The following CUL4A variants were observed in gnomAD, a reference collection of about 807,000 sequenced individuals.
CUL4A encodes the protein cullin 4A.
CUL4A carries 16 observed loss-of-function variants against 95.5 expected under a neutral mutation model. The ratio of observed to expected loss-of-function variants is 0.17; its 90% CI spans 0.11 to 0.25. The LOEUF (loss-of-function observed/expected upper bound fraction) is 0.25, where lower values mean the gene tolerates loss of function less well. Among genes scored for constraint, CUL4A ranks in the 10% least tolerant of loss-of-function variants. CUL4A has a pLI of 1.00. For synonymous variants in CUL4A, 380 were observed against 353.1 expected, an observed-to-expected ratio of 1.08 and a Z score of -0.85; for missense variants, 610 against 937.0, an observed-to-expected ratio of 0.65 and a Z score of 4.56.
Position 113,242,952 on chromosome 13 carries a change from T to C in CUL4A, c.1036-16T>C. ...TGTAAACATGTTGCTGAGTTGGTAT[T>C]GATTTGCTTTTGTAGACTTTTGGAA... On this transcript the variant is annotated splice_polypyrimidine_tract_variant and intron_variant, in intron 10 of 19. Coordinates refer to ENST00000375440, the MANE Select transcript of CUL4A (RefSeq NM_001008895.4). The C allele has an allele frequency of 1.9e-6, 3 of 1,592,822 alleles. No individual in the cohort carries two copies. The highest frequency in any genetic ancestry group is 2.6e-6 in the Non-Finnish European group (3 of 1,163,024).
chr13:113,242,972 T>C lies in CUL4A; in HGVS notation c.1040T>C (p.Phe347Ser), dbSNP rs371750292. The change falls in exon 11 of 20, where the codon TTT (phenylalanine) becomes TCT (serine). Residue 347 changes from phenylalanine to serine, a missense_variant. Physicochemically the swap from Phe to Ser is radical, Grantham distance 155. Coordinates refer to ENST00000375440, the MANE Select transcript of CUL4A (RefSeq NM_001008895.4). ...LQHWSEYIKT[F>S]GTAIVINPEK... ...GGTATTGATTTGCTTTTGTAGACTT[T>C]TGGAACAGCGATCGTAATCAATCCT... The C allele has an allele frequency of 1.2e-6, 2 of 1,603,106 alleles. No individual in the cohort carries two copies. Among genetic ancestry groups the C allele is most frequent in the Non-Finnish European group, 1.7e-6 (2 of 1,171,076 alleles).
At chr13:113,220,873 A>G (rs573237826) in intron 3 of CUL4A, among the ~76,000 whole-genome samples, 16 of 152,184 alleles carry the variant, frequency 1.1e-4, no homozygotes, top group Non-Finnish European at 1.8e-4. Context: ...CAGGGGAATT[A>G]CTGTATTTCC....
chr13:113,241,151 T>C (rs1243468216), intron 10 of CUL4A, among the ~76,000 whole-genome samples: 4 of 152,138 alleles, frequency 2.6e-5, no homozygotes, highest in South Asian at 2.1e-4. Context: ...TCACACTAAA[T>C]TGGCCATAAA....
rs1272086071 is a variant in CUL4A, at chr13:113,245,985, T to C, written c.1560T>C (p.Pro520=). The change falls in exon 15 of 20, where the codon CCT becomes CCC. Residue 520 remains proline, a synonymous_variant. Coordinates refer to ENST00000375440, the MANE Select transcript of CUL4A (RefSeq NM_001008895.4). ...TGCAGAATCAGAGTGACTCAGGCCC[T>C]ATAGACCTCACAGTGAACATACTCA... ...QHMQNQSDSG[P]IDLTVNILTM... 3 of 1,614,008 alleles carry C rather than the reference T, an allele frequency of 1.9e-6. No homozygotes were observed. Among genetic ancestry groups the C allele is most frequent in the East Asian group, 4.5e-5 (2 of 44,892 alleles).
chr13:113,250,320 T>A (rs779072822), intron 15 of CUL4A, among the ~76,000 whole-genome samples: 3 of 152,158 alleles, frequency 2.0e-5, no homozygotes, highest in Non-Finnish European at 2.9e-5. Flanking sequence ...CATGTCGTGG[T>A]GTCTGCCTAC....
rs1324310675 is a variant in CUL4A, at chr13:113,263,487, C to A, written c.2185C>A (p.Pro729Thr). The change falls in exon 20 of 20, where the codon CCT (proline) becomes ACT (threonine). Residue 729 changes from proline to threonine, a missense_variant and splice_region_variant. Physicochemically the swap from Pro to Thr is conservative, Grantham distance 38. Coordinates refer to ENST00000375440, the MANE Select transcript of CUL4A (RefSeq NM_001008895.4). ...GGGGGGTTTTATTCTTCTTTTTTAG[C>A]CTGGAGATTTGAAAAAGAGAATTGA... ...LYNQLKFPVK[P>T]GDLKKRIESL... 1.9e-6 allele frequency: 3 copies of A among 1,588,974 alleles called. No individual in the cohort carries two copies. The African/African-American group carries it at 4.1e-5, about 22-fold the overall frequency.
rs1298341203 is a variant in CUL4A, at chr13:113,232,412, CTATTA to C, written c.513-764_513-760del. On this transcript the variant is annotated intron_variant, in intron 5 of 19. Coordinates refer to ENST00000375440, the MANE Select transcript of CUL4A (RefSeq NM_001008895.4). Reference sequence around the variant, plus strand: ...TATATTACTGCTGCCACCACCACCACTATTACTATTACTGCCACCACCAGCACCAC... The same window carrying C: ...TATATTACTGCTGCCACCACCACCACCTATTACTGCCACCACCAGCACCAC... Among the ~76,000 whole-genome samples the C allele has an allele frequency of 6.9e-4, 104 of 151,232 alleles. 1 individual carries two copies. The highest frequency in any genetic ancestry group is 1.0e-3 in the Non-Finnish European group (71 of 67,958).
At chr13:113,229,624 G>T (rs2041237363) in intron 5 of CUL4A, 105 bp downstream of exon 5, 4 of 949,640 alleles carry the variant, frequency 4.2e-6, no homozygotes, top group Middle Eastern at 3.1e-4. Flanking sequence ...GTGATTACTT[G>T]TGCCTTCCTT....
Position 113,210,014 on chromosome 13 carries a change from C to T in CUL4A, c.190C>T (p.Arg64Trp). 2.0e-6 allele frequency: 3 copies of T among 1,524,436 alleles called. No homozygotes were observed. In the South Asian group the frequency reaches 3.7e-5, roughly 19 times the overall value. 94.4% of individuals were successfully genotyped at this position (1,524,436 alleles called of 1,614,324 possible). ...LPDNYTQDTW[R>W]KLHEAVRAVQ... ...CGACAACTACACGCAGGACACGTGG[C>T]GGAAGCTGCACGAGGCGGTGCGGGC... Residue 64 changes from arginine (R) to tryptophan (W), a missense_variant, in exon 2 of 20, where the codon CGG (arginine) becomes TGG (tryptophan). This residue lies in a region of CUL4A where 168 missense variants were observed against 185.5 expected (regional missense o/e 0.91). Transcript: ENST00000375440.
chr13:113,245,561 T>C (rs906073479), intron 14 of CUL4A, among the ~76,000 whole-genome samples: 6 of 152,124 alleles, frequency 3.9e-5, no homozygotes, highest in Admixed American at 1.3e-4. Context: ...GATGGGTGGA[T>C]AGATAGATAA....
At chr13:113,227,354 C>G (rs1328657611) in intron 3 of CUL4A, among the ~76,000 whole-genome samples, 1 of 152,204 alleles carries the variant, frequency 6.6e-6, no homozygotes, top group African/African-American at 2.4e-5. Context: ...CACCTTCTCA[C>G]TGCATCCTTA....
chr13:113,228,325 ACTC>A (rs1247256785), intron 4 of CUL4A, among the ~76,000 whole-genome samples: 3 of 152,088 alleles, frequency 2.0e-5, no homozygotes, highest in Non-Finnish European at 4.4e-5. Context: ...AGCACAGTTT[ACTC>A]CTCAGAATCT....
At chr13:113,235,843 A>C (rs1487719003) in intron 8 of CUL4A, among the ~76,000 whole-genome samples, 1 of 151,950 alleles carries the variant, frequency 6.6e-6, no homozygotes, top group Admixed American at 6.6e-5. Context: ...TGGTGGCGGG[A>C]ACCTATAGTC....
chr13:113,240,027 A>C (rs929980399), intron 10 of CUL4A, among the ~76,000 whole-genome samples: 1 of 152,216 alleles, frequency 6.6e-6, no homozygotes, highest in East Asian at 1.9e-4. Context: ...ATGTTTCGAA[A>C]GCATTTCTTT....
rs3217169 is a variant in CUL4A, at chr13:113,233,524, GAAGA to G, written c.675+186_675+189del. Among the ~76,000 whole-genome samples, 2,342 of 152,324 alleles carry G rather than the reference GAAGA, an allele frequency of 0.015. 157 individuals carry two copies. The East Asian group carries it at 0.2, about 13-fold the overall frequency. On this transcript the variant is annotated intron_variant, in intron 6 of 19. Coordinates refer to ENST00000375440, the MANE Select transcript of CUL4A (RefSeq NM_001008895.4). ...ACACCACACCAGGTGCCACAAAAGAGAAGATAGATCAATATCACTACATAAAATG... is the reference window on the plus strand; with the variant it reads ...ACACCACACCAGGTGCCACAAAAGAGTAGATCAATATCACTACATAAAATG...
intron 9 of CUL4A, among the ~76,000 whole-genome samples, chr13:113,238,857 T>C (rs1417443630): frequency 1.3e-5 from 2 of 152,244 alleles, no homozygotes; most frequent in African/African-American, 4.8e-5. Context: ...TCAGTAGTTA[T>C]CATAAAGCAA....
intron 12 of CUL4A, 145 bp from the exon 13 acceptor site, chr13:113,244,804 C>T (rs938794498): frequency 4.8e-6 from 3 of 628,788 alleles, no homozygotes; most frequent in African/African-American, 3.7e-5. Context: ...CGCGCCACTG[C>T]ACTCCAGCCT....
At chr13:113,250,103 T>C (rs989477178) in intron 15 of CUL4A, among the ~76,000 whole-genome samples, 13 of 152,208 alleles carry the variant, frequency 8.5e-5, no homozygotes, top group African/African-American at 3.1e-4. Flanking sequence ...AAAATCACAT[T>C]TATTTTCTCT....
rs1196168823 is a variant in CUL4A at position 113,246,014 on chromosome 13, T to C, written c.1589T>C (p.Met530Thr). The C allele has an allele frequency of 1.2e-6, 2 of 1,614,044 alleles. No homozygotes were observed. The highest frequency in any genetic ancestry group is 1.7e-5 in the Admixed American group (1 of 60,028). The change falls in exon 15 of 20, where the codon ATG (methionine) becomes ACG (threonine). Residue 530 changes from methionine (M) to threonine (T), a missense_variant. Physicochemically the swap from Met to Thr is moderately conservative, Grantham distance 81 (BLOSUM62 -1). Transcript: ENST00000375440. ...PIDLTVNILTMGYWPTYTPME... is the reference protein window; with the variant it reads ...PIDLTVNILTTGYWPTYTPME... ...GACCTCACAGTGAACATACTCACAA[T>C]GGGCTACTGGCCAACATACACGCCC... is the stretch of plus-strand genomic sequence containing the variant.
Sources: gnomAD v4.1 joint callset for allele counts (sites outside exome capture counted in the v4.1 genomes callset) on GRCh38, gnomAD v4.1.1 for gene constraint, gnomAD v4.1.1 regional missense constraint, MANE v1.5 for transcripts, NCBI Gene and HGNC (gene_info 2026-07-23, HGNC 2026-07-21) for gene names.